The following LMAN2 variants were observed in gnomAD, a reference collection of about 807,000 sequenced individuals.
LMAN2 encodes the protein vesicular integral-membrane protein VIP36.
Under a neutral mutation model 39.3 loss-of-function variants are expected in LMAN2, and 22 were observed. The observed-to-expected ratio is 0.56, with a 90% confidence interval of 0.40 to 0.80. The LOEUF (loss-of-function observed/expected upper bound fraction) is 0.80, where lower values mean the gene tolerates loss of function less well. Ranked by LOEUF, LMAN2 falls within the 30% of genes least tolerant of loss-of-function variation. The pLI is 0.00. For synonymous variants in LMAN2, 207 were observed against 207.8 expected (o/e 1.00, Z 0.03); for missense variants, 494 against 505.4 (o/e 0.98, Z 0.22).
chr5:177,344,441 C>A (rs1410342348), intron 2 of LMAN2, among the ~76,000 whole-genome samples: 1 of 151,338 alleles, frequency 6.6e-6, no homozygotes, highest in Admixed American at 6.6e-5. Context: ...CCACCATGAC[C>A]AGCTAATTAG....
In LMAN2 at chr5:177,351,309, T is replaced by C; in HGVS notation, c.197-18A>G. 3 of 1,613,026 alleles carry C rather than the reference T, an allele frequency of 1.9e-6. No individual in the cohort carries two copies. Among genetic ancestry groups the C allele is most frequent in the Non-Finnish European group, 2.5e-6 (3 of 1,179,648 alleles). On this transcript the variant is annotated intron_variant, in intron 1 of 7. Coordinates refer to ENST00000303127, the MANE Select transcript of LMAN2 (RefSeq NM_006816.3). The stretch of plus-strand genomic sequence containing the variant: ...ACCGACCCCTGTGGGAAGAGACAGG[T>C]GCTAAGAGGCCACGCCAGGACTGGC...
At chr5:177,351,138 C>T (rs771362222) in intron 2 of LMAN2, 35 bp downstream of exon 2, 8 of 1,596,858 alleles carry the variant, frequency 5.0e-6, no homozygotes, top group Admixed American at 1.7e-5. Context: ...AGCAGCCAAC[C>T]GCACAGTACG....
At chr5:177,336,353 C>T (rs992939939) in intron 6 of LMAN2, among the ~76,000 whole-genome samples, 2 of 152,124 alleles carry the variant, frequency 1.3e-5, no homozygotes, top group South Asian at 2.1e-4. Context: ...GAGGCCCTGG[C>T]GCCCCCTGCA....
chr5:177,349,976 G>T (rs556448831), intron 2 of LMAN2, among the ~76,000 whole-genome samples: 7 of 152,176 alleles, frequency 4.6e-5, no homozygotes, highest in African/African-American at 9.7e-5. Context: ...AGGCAGCCAG[G>T]GGGGGCTGGA....
intron 2 of LMAN2, among the ~76,000 whole-genome samples, chr5:177,346,762 C>G (rs1477930413): frequency 6.6e-6 from 1 of 151,944 alleles, no homozygotes; most frequent in East Asian, 1.9e-4. Flanking sequence ...TCAGCCTCCC[C>G]AGTAGCTGAC....
Position 177,351,218 on chromosome 5 carries a change from C to A in LMAN2, c.270G>T (p.Leu90=). The change falls in exon 2 of 8, where the codon CTG becomes CTT. Residue 90 remains leucine (L), a synonymous_variant. Transcript: ENST00000303127. The stretch of plus-strand genomic sequence containing the variant: ...CCTCTTTGCTGCGCTCGTCAGGGGT[C>A]AGACGTACGTACTGGCTCGTGAGCA... ...STMLTSQYVR[L]TPDERSKEGS... 1 of 1,614,198 alleles carries A rather than the reference C, an allele frequency of 6.2e-7. No individual in the cohort carries two copies. Among genetic ancestry groups the A allele is most frequent in the Middle Eastern group, 1.7e-4 (1 of 6,056 alleles).
intron 2 of LMAN2, among the ~76,000 whole-genome samples, chr5:177,341,350 G>C (rs1761551594): frequency 6.6e-6 from 1 of 152,088 alleles, no homozygotes; most frequent in African/African-American, 2.4e-5. Flanking sequence ...ACAGGCGTGA[G>C]CCACCGCGCC....
In LMAN2 at chr5:177,337,198, G is replaced by A. The variant is rs779730097; in HGVS notation, c.728C>T (p.Thr243Met). 28 of 1,613,962 alleles carry A rather than the reference G, an allele frequency of 1.7e-5. No individual in the cohort carries two copies. The highest frequency in any genetic ancestry group is 4.0e-5 in the African/African-American group (3 of 75,036). Residue 243 changes from threonine to methionine, a missense_variant, in exon 6 of 8, where the codon ACG becomes ATG. Transcript: ENST00000303127. This position sits in a 1 kb window ranked among gnomAD's most constrained non-coding sequence, Gnocchi z 8.2. ...GTAGCCGGTGGGCAGGCGCACTCCC[G>A]TGATGTCAATGCAGTTCTTCCACTC... ...KNEWKNCIDI[T>M]GVRLPTGYYF...
intron 2 of LMAN2, among the ~76,000 whole-genome samples, chr5:177,346,820 A>G (rs1761644139): frequency 6.6e-6 from 1 of 152,138 alleles, no homozygotes; most frequent in African/African-American, 2.4e-5. Context: ...GAAATTTTTA[A>G]CAAAGCTCTC....
In LMAN2 at chr5:177,351,307, G is replaced by A. The variant is rs370151453; in HGVS notation, c.197-16C>T. ...GAACCGACCCCTGTGGGAAGAGACA[G>A]GTGCTAAGAGGCCACGCCAGGACTG... On this transcript the variant is annotated splice_polypyrimidine_tract_variant and intron_variant, in intron 1 of 7. Coordinates refer to ENST00000303127, the MANE Select transcript of LMAN2 (RefSeq NM_006816.3). The A allele has an allele frequency of 6.2e-7, 1 of 1,613,028 alleles. No homozygotes were observed. Among genetic ancestry groups the A allele is most frequent in the East Asian group, 2.2e-5 (1 of 44,888 alleles).
At chr5:177,339,639 G>A (rs1761523863) in intron 2 of LMAN2, among the ~76,000 whole-genome samples, 1 of 152,240 alleles carries the variant, frequency 6.6e-6, no homozygotes, top group Non-Finnish European at 1.5e-5. Flanking sequence ...CAAACAGGAT[G>A]TTGACCTGTC....
At chr5:177,345,302 T>C (rs953267062) in intron 2 of LMAN2, among the ~76,000 whole-genome samples, 5 of 135,842 alleles carry the variant, frequency 3.7e-5, no homozygotes, top group Non-Finnish European at 6.1e-5. Flanking sequence ...GATTACACCA[T>C]TGCATTCCAG....
chr5:177,332,106 G>C lies in LMAN2; in HGVS notation c.1051C>G (p.Arg351Gly). ...GAVVFQKRQERNKRFY is the reference protein window; with the variant it reads ...GAVVFQKRQEGNKRFY ...GCCACTCAGTAGAAGCGCTTGTTCC[G>C]CTCCTGCCGCTTCTGGAACACCACG... is the stretch of plus-strand genomic sequence containing the variant. Residue 351 changes from arginine (R) to glycine (G), a missense_variant, in exon 8 of 8, where the codon CGG (arginine) becomes GGG (glycine). Transcript: ENST00000303127. The surrounding 1 kb of genome is among the most constrained non-coding windows in gnomAD (Gnocchi z 6.3). 1 of 1,612,884 alleles carries C rather than the reference G, an allele frequency of 6.2e-7. No homozygotes were observed. Among genetic ancestry groups the C allele is most frequent in the Non-Finnish European group, 8.5e-7 (1 of 1,179,702 alleles).
At chr5:177,342,829 T>C (rs1761576775) in intron 2 of LMAN2, among the ~76,000 whole-genome samples, 2 of 151,242 alleles carry the variant, frequency 1.3e-5, no homozygotes, top group Non-Finnish European at 2.9e-5. Flanking sequence ...AAAAGATAAA[T>C]TGTACTTCAC....
chr5:177,342,699 C>T (rs926157167), intron 2 of LMAN2, among the ~76,000 whole-genome samples: 1 of 150,408 alleles, frequency 6.6e-6, no homozygotes, highest in Non-Finnish European at 1.5e-5. Context: ...AAACAATAAA[C>T]AAACCAACAA....
rs140300375 is a variant in LMAN2, at chr5:177,334,345, G to A, written c.849C>T (p.Asp283=). The A allele has an allele frequency of 9.9e-5, 160 of 1,613,602 alleles. No individual in the cohort carries two copies. In the East Asian group the frequency reaches 1.3e-3, roughly 13 times the overall value. ...TCTTGGTCCAGTCGATGCTCTCCTC[G>A]TCGGGCGTGTGCTCCACCATCAGCT... The part of the protein sequence containing the change: ...LFQLMVEHTP[D]EESIDWTKIE... The change falls in exon 7 of 8, where the codon GAC becomes GAT. Residue 283 remains aspartate, a synonymous_variant. Coordinates refer to ENST00000303127, the MANE Select transcript of LMAN2 (RefSeq NM_006816.3).
intron 2 of LMAN2, among the ~76,000 whole-genome samples, chr5:177,347,642 T>C (rs1187884057): frequency 6.6e-6 from 1 of 152,196 alleles, no homozygotes; most frequent in Non-Finnish European, 1.5e-5. Context: ...CAGAATCACC[T>C]GGCAATAAGA....
rs369334305 is a variant in LMAN2 at position 177,337,370 on chromosome 5, C to T, written c.668G>A (p.Arg223His). Residue 223 changes from arginine to histidine, a missense_variant, in exon 5 of 8, where the codon CGT becomes CAT. Physicochemically the swap from Arg to His is conservative, Grantham distance 29. Coordinates refer to ENST00000303127, the MANE Select transcript of LMAN2 (RefSeq NM_006816.3). This position sits in a 1 kb window ranked among gnomAD's most constrained non-coding sequence, Gnocchi z 8.2. The part of the protein sequence containing the change: ...TFLAVRYSRG[R>H]LTVMTDLEDK... ...ACCGCCTAGCCTGCTCACCGTCAGACGGCCCCGGGAGTAGCGCACAGCCAG... is the reference window on the plus strand; with the variant it reads ...ACCGCCTAGCCTGCTCACCGTCAGATGGCCCCGGGAGTAGCGCACAGCCAG... The T allele has an allele frequency of 5.6e-6, 9 of 1,610,976 alleles. No individual in the cohort carries two copies. The highest frequency in any genetic ancestry group is 2.2e-5 in the South Asian group (2 of 91,050).
intron 2 of LMAN2, among the ~76,000 whole-genome samples, chr5:177,349,216 C>T (rs776938528): frequency 6.6e-6 from 1 of 152,170 alleles, no homozygotes. Context: ...TAGACCACCC[C>T]CCCTGCACCA....
Sources: allele counts gnomAD v4.1 joint callset (sites outside exome capture counted in the v4.1 genomes callset), GRCh38; gene constraint gnomAD v4.1.1; non-coding constraint Gnocchi (gnomAD v3.1); transcripts MANE v1.5; gene names NCBI Gene and HGNC (gene_info 2026-07-23, HGNC 2026-07-21).